The following RELL1 variants were observed in gnomAD, a reference collection of about 807,000 sequenced individuals.
RELL1 encodes the protein RELT like 1.
Under a neutral mutation model 23.0 loss-of-function variants are expected in RELL1, and 10 were observed. The ratio of observed to expected loss-of-function variants is 0.43; its 90% confidence interval spans 0.27 to 0.74. The LOEUF (loss-of-function observed/expected upper bound fraction) is 0.74. Ranked by LOEUF, RELL1 falls within the 30% of genes least tolerant of loss-of-function variation. The probability of loss-of-function intolerance (pLI) is 0.19; values close to 1 mark genes in which losing one functional copy is unlikely to be tolerated. For missense variants in RELL1, 315 were observed against 364.4 expected (o/e 0.86, Z 1.10); for synonymous variants, 146 against 146.8 (o/e 0.99, Z 0.04).
intron 1 of RELL1, among the ~76,000 whole-genome samples, chr4:37,680,871 G>T (rs958371937): frequency 1.3e-5 from 2 of 148,282 alleles, no homozygotes; most frequent in African/African-American, 2.5e-5. Context: ...GGCGGAGCTT[G>T]CAGTGAGCTG....
downstream of RELL1, among the ~76,000 whole-genome samples, chr4:37,589,178 C>T (rs991482381): frequency 6.6e-6 from 1 of 152,162 alleles, no homozygotes; most frequent in African/African-American, 2.4e-5. Flanking sequence ...GAAATGGCAT[C>T]GCTGAAAATA....
In RELL1 at chr4:37,665,556, G is replaced by T. The variant is rs547665341; in HGVS notation, c.89-16056C>A. On this transcript the variant is annotated intron_variant, in intron 1 of 6. Transcript: ENST00000454158. ...AAAGGCTACTGCCCAATTTCCACGT[G>T]GCTGCGAGTCCTAACAGAACTGTTC... is the stretch of plus-strand genomic sequence containing the variant. Among the ~76,000 whole-genome samples the T allele has an allele frequency of 3.3e-5, 5 of 152,270 alleles. No homozygotes were observed. The South Asian group carries it at 8.3e-4, about 25-fold the overall frequency.
chr4:37,681,522 T>G lies in RELL1; in HGVS notation c.88+4678A>C, dbSNP rs1225428945. Among the ~76,000 whole-genome samples, 81 of 122,480 alleles carry G rather than the reference T, an allele frequency of 6.6e-4. 5 individuals are homozygous for G. The highest frequency in any genetic ancestry group is 4.8e-3 in the Admixed American group (57 of 11,924). 80.4% of individuals were successfully genotyped at this position (122,480 alleles called of 152,430 possible). ...CAGGCATCAGGGTCTCCTTCTGTTT[T>G]TTTTTTTTTTTTTTTTTTTTTTTTG... On this transcript the variant is annotated intron_variant, in intron 1 of 6. Coordinates refer to ENST00000454158, the MANE Select transcript of RELL1 (RefSeq NM_001085400.2).
chr4:37,663,220 A>G (rs539049064), intron 1 of RELL1, among the ~76,000 whole-genome samples: 81 of 151,868 alleles, frequency 5.3e-4, no homozygotes, highest in Non-Finnish European at 9.9e-4. Context: ...TCCTTTTGCT[A>G]TTTTTGGTGC....
chr4:37,596,136 G>A (rs144688027), intron 6 of RELL1, among the ~76,000 whole-genome samples: 400 of 152,252 alleles, frequency 2.6e-3, no homozygotes, highest in African/African-American at 9.4e-3. Context: ...ATAAACCTGG[G>A]GTGAAATCCG....
intron 6 of RELL1, among the ~76,000 whole-genome samples, chr4:37,600,731 T>G (rs1438994099): frequency 4.6e-5 from 7 of 151,896 alleles, no homozygotes; most frequent in Non-Finnish European, 7.4e-5. Flanking sequence ...TGATTGGTTA[T>G]TTTGGAGAGG....
intron 6 of RELL1, among the ~76,000 whole-genome samples, chr4:37,613,961 G>T (rs1719490468): frequency 6.6e-6 from 1 of 152,150 alleles, no homozygotes; most frequent in Non-Finnish European, 1.5e-5. Flanking sequence ...GCATAACCCA[G>T]GACAGGACTA....
chr4:37,675,567 A>C (rs1459036164), intron 1 of RELL1, among the ~76,000 whole-genome samples: 1 of 152,248 alleles, frequency 6.6e-6, no homozygotes, highest in Non-Finnish European at 1.5e-5. Flanking sequence ...CAAAACAAAC[A>C]TGGTGGAAAC....
Position 37,654,724 on chromosome 4 carries a change from T to C in RELL1, c.89-5224A>G, listed in dbSNP as rs567499935. ...AGATAGTAAAAACATATCTAAATCATGGTTTCATTTGATGAAATAATATGC... is the reference window on the plus strand; with the variant it reads ...AGATAGTAAAAACATATCTAAATCACGGTTTCATTTGATGAAATAATATGC... On this transcript the variant is annotated intron_variant, in intron 1 of 6. Transcript: ENST00000454158. Among the ~76,000 whole-genome samples, 360 of 152,332 alleles carry C rather than the reference T, an allele frequency of 2.4e-3. 1 individual carries two copies. Among genetic ancestry groups the C allele is most frequent in the African/African-American group, 8.2e-3 (341 of 41,582 alleles).
chr4:37,587,157 A>T (rs1434183775), downstream of RELL1, among the ~76,000 whole-genome samples: 1 of 151,994 alleles, frequency 6.6e-6, no homozygotes, highest in African/African-American at 2.4e-5. Context: ...TTTTGGTCAC[A>T]TTGCCTCTTC....
At chr4:37,685,488 C>T (rs1360157979) in intron 1 of RELL1, among the ~76,000 whole-genome samples, 5 of 152,184 alleles carry the variant, frequency 3.3e-5, no homozygotes, top group Non-Finnish European at 1.5e-5. Context: ...CAATTAAAAA[C>T]TGCTTCATCG....
intron 3 of RELL1, among the ~76,000 whole-genome samples, chr4:37,642,373 G>A (rs1720559410): frequency 6.6e-6 from 1 of 152,186 alleles, no homozygotes; most frequent in African/African-American, 2.4e-5. Flanking sequence ...CAGACTCCCA[G>A]ATACTTTCCA....
intron 4 of RELL1, among the ~76,000 whole-genome samples, chr4:37,637,894 T>C (rs925107576): frequency 2.6e-5 from 4 of 152,228 alleles, no homozygotes; most frequent in African/African-American, 9.6e-5. Flanking sequence ...ATCATCATTG[T>C]TCATGGAGGT....
chr4:37,648,742 A>T (rs1024013006), intron 2 of RELL1, among the ~76,000 whole-genome samples: 2 of 152,212 alleles, frequency 1.3e-5, no homozygotes, highest in Admixed American at 1.3e-4. Flanking sequence ...TCCAATCACA[A>T]ATATTTAAGA....
At chr4:37,669,393 C>A (rs1184124338) in intron 1 of RELL1, among the ~76,000 whole-genome samples, 1 of 148,456 alleles carries the variant, frequency 6.7e-6, no homozygotes, top group Non-Finnish European at 1.5e-5. Context: ...CCAGCCGCCC[C>A]GTCCGGGAGG....
At chr4:37,669,702 A>C (rs535905281) in intron 1 of RELL1, among the ~76,000 whole-genome samples, 1 of 152,160 alleles carries the variant, frequency 6.6e-6, no homozygotes, top group South Asian at 2.1e-4. Flanking sequence ...AAATTCTTCT[A>C]CCTTGGGATC....
downstream of RELL1, among the ~76,000 whole-genome samples, chr4:37,607,508 T>G (rs150775977): frequency 1.3e-3 from 198 of 152,296 alleles, 2 homozygotes; most frequent in East Asian, 0.028. Flanking sequence ...TTTTGTTTTG[T>G]TTTTTAATGA....
chr4:37,657,691 T>C (rs1403747905), intron 1 of RELL1, among the ~76,000 whole-genome samples: 1 of 152,060 alleles, frequency 6.6e-6, no homozygotes, highest in Non-Finnish European at 1.5e-5. Flanking sequence ...AATCCCAAGA[T>C]TTTGGGAGGG....
chr4:37,671,740 C>A (rs1657574674), intron 1 of RELL1, among the ~76,000 whole-genome samples: 1 of 147,842 alleles, frequency 6.8e-6, no homozygotes, highest in Non-Finnish European at 1.5e-5. Flanking sequence ...TGTGGAATAG[C>A]CTGTGGAATA....
Sources: allele counts gnomAD v4.1 joint callset (sites outside exome capture counted in the v4.1 genomes callset), GRCh38; gene constraint gnomAD v4.1.1; transcripts MANE v1.5; gene names NCBI Gene and HGNC (gene_info 2026-07-23, HGNC 2026-07-21).